Variants in HSD17B13 observed in about 807,000 individuals in gnomAD.
HSD17B13 encodes the protein 17-beta-hydroxysteroid dehydrogenase 13.
Under a neutral mutation model 31.1 loss-of-function variants are expected in HSD17B13, and 26 were observed. That is an observed-to-expected ratio of 0.84 (90% CI 0.61 to 1.16). The LOEUF is 1.16. HSD17B13 is among the 50% of genes most tolerant of loss of function. The probability of loss-of-function intolerance (pLI) is 0.00; values close to 1 mark genes in which losing one functional copy is unlikely to be tolerated. For missense variants in HSD17B13, 374 were observed against 366.5 expected (o/e 1.02, Z -0.17); for synonymous variants, 141 against 133.7 (o/e 1.05, Z -0.38).
intron 6 of HSD17B13, 105 bp from the exon 7 acceptor site, chr4:87,305,413 C>A: frequency 1.7e-6 from 1 of 592,748 alleles, no homozygotes; most frequent in Non-Finnish European, 2.7e-6. Flanking sequence ...ATCTGGTTTG[C>A]GTTTAACTTT....
chr4:87,316,386 A>G (rs905874007), intron 3 of HSD17B13, among the ~76,000 whole-genome samples: 32 of 152,192 alleles, frequency 2.1e-4, no homozygotes, highest in African/African-American at 6.8e-4. Context: ...GCCAATTCAC[A>G]TATGTGAAGA....
At chr4:87,306,905 TAAAAAAAAAAAA>T (rs67775053) in intron 6 of HSD17B13, among the ~76,000 whole-genome samples, 23 of 44,314 alleles carry the variant, frequency 5.2e-4, no homozygotes, top group Admixed American at 8.0e-4. Flanking sequence ...AGACCCAATC[TAAAAAAAAAAAA>T]AAAAAAAAAA....
intron 3 of HSD17B13, among the ~76,000 whole-genome samples, chr4:87,316,270 T>C (rs1329684372): frequency 2.6e-5 from 4 of 152,156 alleles, no homozygotes; most frequent in East Asian, 3.8e-4. Flanking sequence ...TGTGAGAGGA[T>C]AGTGAACATA....
chr4:87,307,886 A>G (rs1251483530), intron 6 of HSD17B13, among the ~76,000 whole-genome samples: 1 of 152,136 alleles, frequency 6.6e-6, no homozygotes, highest in Non-Finnish European at 1.5e-5. Context: ...AAAACCAAAT[A>G]CTGAAATTGA....
intron 6 of HSD17B13, among the ~76,000 whole-genome samples, chr4:87,306,905 TAAA>T (rs67775053): frequency 0.013 from 553 of 44,132 alleles, no homozygotes; most frequent in African/African-American, 0.067. Context: ...AGACCCAATC[TAAA>T]AAAAAAAAAA....
intron 3 of HSD17B13, 43 bp from the exon 4 acceptor site, chr4:87,315,642 G>T (rs755614415): frequency 8.1e-7 from 1 of 1,237,958 alleles, no homozygotes; most frequent in Admixed American, 2.1e-5. Context: ...TGACATAGAC[G>T]TTAGGTTTCC....
At chr4:87,308,934 A>AAAAAAG (rs1336285805) in intron 6 of HSD17B13, among the ~76,000 whole-genome samples, 1 of 148,944 alleles carries the variant, frequency 6.7e-6, no homozygotes, top group Admixed American at 6.7e-5. Context: ...GAATCTACCA[A>AAAAAAG]AAAAAAAAAA....
Position 87,310,296 on chromosome 4 carries a change from A to G in HSD17B13, c.759T>C (p.Asn253=), listed in dbSNP as rs180816610. Residue 253 remains asparagine (N), a synonymous_variant, in exon 6 of 7, where the codon AAT becomes AAC. Coordinates refer to ENST00000328546, the MANE Select transcript of HSD17B13 (RefSeq NM_178135.5). ...VRSLIDGILT[N]KKMIFVPSYI... ...ACGATGGAACAAAAATCATTTTCTTATTGGTAAGTATTCCATCTATCAGAC... is the reference window on the plus strand; with the variant it reads ...ACGATGGAACAAAAATCATTTTCTTGTTGGTAAGTATTCCATCTATCAGAC... 1.2e-5 allele frequency: 19 copies of G among 1,581,566 alleles called. No homozygotes were observed. The highest frequency in any genetic ancestry group is 3.4e-4 in the Middle Eastern group (2 of 5,966).
rs371686634 is a variant in HSD17B13, at chr4:87,310,383, T to C, written c.696-24A>G. ...ATCTGTGATTAAAAAGAGGAAAATA[T>C]TATTTTTATTTTCTAAAATTTTAAT... is the stretch of plus-strand genomic sequence containing the variant. On this transcript the variant is annotated intron_variant, in intron 5 of 6. Coordinates refer to ENST00000328546, the MANE Select transcript of HSD17B13 (RefSeq NM_178135.5). 1.1e-5 allele frequency: 15 copies of C among 1,363,956 alleles called. No individual in the cohort carries two copies. In the African/African-American group the frequency reaches 2.1e-4, roughly 20 times the overall value. The allele number at this position is 1,363,956 out of a possible 1,614,324, so 84.5% of individuals were successfully genotyped here.
chr4:87,318,175 A>G (rs55968517), intron 2 of HSD17B13, among the ~76,000 whole-genome samples, 154 bp downstream of exon 2: 8,877 of 152,262 alleles, frequency 0.058, 823 homozygotes, highest in African/African-American at 0.2. Flanking sequence ...CATACAAGAA[A>G]AAAAGTATAT....
At chr4:87,317,413 T>C (rs1174532585) in intron 2 of HSD17B13, among the ~76,000 whole-genome samples, 190 bp from the exon 3 acceptor site, 2 of 152,150 alleles carry the variant, frequency 1.3e-5, no homozygotes, top group Non-Finnish European at 2.9e-5. Context: ...TAAACTGTTC[T>C]TTTAACATCT....
rs1423184621 is a variant in HSD17B13, at chr4:87,303,896, AT to A, written c.*1321del. 1 of 152,202 alleles carries A rather than the reference AT, an allele frequency of 6.6e-6. No individual in the cohort carries two copies. The highest frequency in any genetic ancestry group is 2.4e-5 in the African/African-American group (1 of 41,442). The allele number at this position is 152,202 out of a possible 1,614,324, so 9.4% of individuals were successfully genotyped here. On this transcript the variant is annotated 3_prime_UTR_variant, in exon 7 of 7. Transcript: ENST00000328546. ...AATTGTTTTTGTGACTTTTAAAAAA[AT>A]CATTTGTTTTTAATAAAAACAAGAG...
chr4:87,306,580 T>C (rs1346952410), intron 6 of HSD17B13, among the ~76,000 whole-genome samples: 2 of 152,012 alleles, frequency 1.3e-5, no homozygotes, highest in Non-Finnish European at 2.9e-5. Context: ...ACAACTGATG[T>C]CCAGGAATGC....
At chr4:87,306,453 A>G (rs1734390608) in intron 6 of HSD17B13, among the ~76,000 whole-genome samples, 1 of 152,224 alleles carries the variant, frequency 6.6e-6, no homozygotes, top group Admixed American at 6.5e-5. Flanking sequence ...TTTAGCTGAT[A>G]GGCTAAAATG....
chr4:87,322,835 T>C lies in HSD17B13; in HGVS notation c.7A>G (p.Ile3Val), dbSNP rs753608854. The stretch of plus-strand genomic sequence containing the variant: ...AGAAGCAGAAGGATTTCTAGGATGA[T>C]GTTCATGGCTTTGCTCTGTCCTCTT... MN[I>V]ILEILLLLIT... The change falls in exon 1 of 7, where the codon ATC becomes GTC. Residue 3 changes from isoleucine (I) to valine (V), a missense_variant. By Grantham distance (29) the Ile-to-Val change is conservative (BLOSUM62 3). Transcript: ENST00000328546. 1.9e-6 allele frequency: 3 copies of C among 1,613,910 alleles called. No individual in the cohort carries two copies. The highest frequency in any genetic ancestry group is 2.2e-5 in the East Asian group (1 of 44,866).
At chr4:87,310,197 A>AC in intron 6 of HSD17B13, 46 bp downstream of exon 6, 1 of 1,463,452 alleles carries the variant, frequency 6.8e-7, no homozygotes, top group Non-Finnish European at 9.0e-7. Flanking sequence ...CAAAAAAAAA[A>AC]GCTCTATTGG....
rs866695150 is a variant in HSD17B13 at position 87,313,946 on chromosome 4, G to A, written c.572C>T (p.Ala191Val). The A allele has an allele frequency of 2.6e-6, 4 of 1,548,792 alleles. No individual in the cohort carries two copies. The African/African-American group carries it at 5.2e-5, about 20-fold the overall frequency. The change falls in exon 5 of 7, where the codon GCC (alanine) becomes GTC (valine). Residue 191 changes from alanine (A) to valine (V), a missense_variant. Physicochemically the swap from Ala to Val is moderately conservative, Grantham distance 64 (BLOSUM62 0). Transcript: ENST00000328546. ...CAGACCTCTGTGAAAGCCAACAGCGGCAAATTTGCTGGAACTGTAAGAGAA... is the reference window on the plus strand; with the variant it reads ...CAGACCTCTGTGAAAGCCAACAGCGACAAATTTGCTGGAACTGTAAGAGAA... ...YLIPYCSSKF[A>V]AVGFHRGLTS...
chr4:87,319,203 T>G lies in HSD17B13; in HGVS notation c.211-767A>C, dbSNP rs556229865. Among the ~76,000 whole-genome samples the G allele has an allele frequency of 3.3e-5, 5 of 152,216 alleles. No individual in the cohort carries two copies. The East Asian group carries it at 9.6e-4, about 29-fold the overall frequency. The stretch of plus-strand genomic sequence containing the variant: ...TCTCAAAATAAAATAAAAATTGGCC[T>G]CCTTATTTGTTAGAAAATTTCTTGA... On this transcript the variant is annotated intron_variant, in intron 1 of 6. Coordinates refer to ENST00000328546, the MANE Select transcript of HSD17B13 (RefSeq NM_178135.5).
Position 87,317,186 on chromosome 4 carries a change from T to C in HSD17B13, c.356A>G (p.Asn119Ser). ...KEVGDVTIVVNNAGTVYPADL... is the reference protein window; with the variant it reads ...KEVGDVTIVVSNAGTVYPADL... ...GGCTGGATATACTGTCCCAGCATTA[T>C]TCACCACGATTGTTACATCACCCAC... Residue 119 changes from asparagine (N) to serine (S), a missense_variant, in exon 3 of 7, where the codon AAT becomes AGT. Physicochemically the swap from Asn to Ser is conservative, Grantham distance 46. Transcript: ENST00000328546. 1.2e-6 allele frequency: 2 copies of C among 1,614,086 alleles called. No homozygotes were observed. Among genetic ancestry groups the C allele is most frequent in the Middle Eastern group, 3.3e-4 (2 of 6,062 alleles).
Sources: allele counts gnomAD v4.1 joint callset (sites outside exome capture counted in the v4.1 genomes callset), GRCh38; gene constraint gnomAD v4.1.1; transcripts MANE v1.5; gene names NCBI Gene and HGNC (gene_info 2026-07-23, HGNC 2026-07-21).